TUBGCP4: variants seen among roughly 807,000 people sequenced by gnomAD.
The protein encoded by TUBGCP4 is tubulin gamma complex component 4.
TUBGCP4 carries 54 observed loss-of-function variants against 91.6 expected under a neutral mutation model. The ratio of observed to expected loss-of-function variants is 0.59; its 90% CI spans 0.47 to 0.74. The LOEUF (loss-of-function observed/expected upper bound fraction) is 0.74, where lower values mean the gene tolerates loss of function less well. Among genes scored for constraint, TUBGCP4 ranks in the 30% least tolerant of loss-of-function variants. The pLI is 0.00. For synonymous variants in TUBGCP4, 297 were observed against 302.8 expected (o/e 0.98, Z 0.20); for missense variants, 593 against 800.9 (o/e 0.74, Z 3.13).
Position 43,385,814 on chromosome 15 carries a change from G to A in TUBGCP4, c.747G>A (p.Met249Ile). The change falls in exon 8 of 18, where the codon ATG (methionine) becomes ATA (isoleucine). Residue 249 changes from methionine to isoleucine, a missense_variant. Transcript: ENST00000564079. ...AGCGCCTGATTGAGGAAGAGAACAT[G>A]CTGGCACCATCTCTGAAGCAGTTTT... ...QDLRLIEEEN[M>I]LAPSLKQFSL... is the part of the protein sequence containing the mutation. 1.9e-6 allele frequency: 3 copies of A among 1,614,140 alleles called. No homozygotes were observed. Among genetic ancestry groups the A allele is most frequent in the Non-Finnish European group, 2.5e-6 (3 of 1,180,018 alleles).
At chr15:43,400,872 C>T (rs1434919812) in intron 14 of TUBGCP4, among the ~76,000 whole-genome samples, 2 of 151,338 alleles carry the variant, frequency 1.3e-5, no homozygotes, top group Non-Finnish European at 2.9e-5. Context: ...GAGCCAAGAT[C>T]ATGCCATTGC....
intron 9 of TUBGCP4, among the ~76,000 whole-genome samples, chr15:43,392,591 C>T (rs1034721841): frequency 4.6e-5 from 7 of 151,964 alleles, no homozygotes; most frequent in African/African-American, 1.5e-4. Flanking sequence ...CTCTGCCTCC[C>T]GGGTTCAAGC....
At chr15:43,382,249 A>C (rs1433831087) in intron 6 of TUBGCP4, among the ~76,000 whole-genome samples, 1 of 144,810 alleles carries the variant, frequency 6.9e-6, no homozygotes, top group Non-Finnish European at 1.5e-5. Context: ...AAAATAAAAG[A>C]AAAAGGGATT....
chr15:43,408,685 T>G lies in TUBGCP4; in HGVS notation c.*3471T>G, dbSNP rs1001595343. 11 of 567,766 alleles carry G rather than the reference T, an allele frequency of 1.9e-5. No individual in the cohort carries two copies. The African/African-American group carries it at 2.1e-4, about 11-fold the overall frequency. The allele number at this position is 567,766 out of a possible 1,614,324, so 35.2% of individuals were successfully genotyped here. On this transcript the variant is annotated 3_prime_UTR_variant, in exon 18 of 18. Coordinates refer to ENST00000564079, the MANE Select transcript of TUBGCP4 (RefSeq NM_014444.5). ...ACAGGTTGAGAATATTGAACCTATA[T>G]ACAAATCTTCACACATTTGCAAAAG...
In TUBGCP4 at chr15:43,386,187, G is replaced by T. The variant is rs769393150; in HGVS notation, c.890-19G>T. 1 of 1,598,680 alleles carries T rather than the reference G, an allele frequency of 6.3e-7. No homozygotes were observed. Among genetic ancestry groups the T allele is most frequent in the Non-Finnish European group, 8.5e-7 (1 of 1,173,444 alleles). On this transcript the variant is annotated intron_variant, in intron 8 of 17. Coordinates refer to ENST00000564079, the MANE Select transcript of TUBGCP4 (RefSeq NM_014444.5). ...GGGTATTCTCCGTCCTCCTTTGACGGTGTCTTCCTATTTTGCAGGATCCAT... is the reference window on the plus strand; with the variant it reads ...GGGTATTCTCCGTCCTCCTTTGACGTTGTCTTCCTATTTTGCAGGATCCAT...
chr15:43,385,139 T>C (rs1261243827), intron 7 of TUBGCP4, among the ~76,000 whole-genome samples: 1 of 152,046 alleles, frequency 6.6e-6, no homozygotes, highest in African/African-American at 2.4e-5. Context: ...TTGTGGGAAA[T>C]GTTCAGTGGG....
At position 43,405,248 on chromosome 15, in the gene TUBGCP4, C is replaced by T. The variant is rs761226515; in HGVS notation, c.*34C>T. 17 of 1,612,352 alleles carry T rather than the reference C, an allele frequency of 1.1e-5. No homozygotes were observed. Among genetic ancestry groups the T allele is most frequent in the East Asian group, 2.2e-5 (1 of 44,872 alleles). ...GGCTCATAAATTGAAATAACAGCCA[C>T]GTTCCCAAGGTTGTAACAGAAGATT... On this transcript the variant is annotated 3_prime_UTR_variant, in exon 18 of 18. Transcript: ENST00000564079.
rs766103124 is a variant in TUBGCP4, at chr15:43,397,241, C to T, written c.1199C>T (p.Ala400Val). ...GTGAATGTGGCCTTTCAACAGTCAGCACACAAGGTATTGCTAGATGATGAC... is the reference window on the plus strand; with the variant it reads ...GTGAATGTGGCCTTTCAACAGTCAGTACACAAGGTATTGCTAGATGATGAC... ...HDVNVAFQQS[A>V]HKVLLDDDNL... Residue 400 changes from alanine to valine, a missense_variant, in exon 12 of 18, where the codon GCA becomes GTA. Coordinates refer to ENST00000564079, the MANE Select transcript of TUBGCP4 (RefSeq NM_014444.5). The T allele has an allele frequency of 6.2e-7, 1 of 1,614,116 alleles. No individual in the cohort carries two copies. Among genetic ancestry groups the T allele is most frequent in the Non-Finnish European group, 8.5e-7 (1 of 1,179,974 alleles).
intron 2 of TUBGCP4, 77 bp downstream of exon 2, chr15:43,376,303 G>A: frequency 6.2e-7 from 1 of 1,605,358 alleles, no homozygotes; most frequent in Admixed American, 1.7e-5. Flanking sequence ...GAGGGCAGGA[G>A]CTATGTCAAG....
intron 17 of TUBGCP4, chr15:43,404,765 T>C (rs963586566): frequency 1.7e-6 from 1 of 582,738 alleles, no homozygotes; most frequent in African/African-American, 1.9e-5. Context: ...AACCTGACAG[T>C]GAGATAGGTG....
rs967387402 is a variant in TUBGCP4 at position 43,405,435 on chromosome 15, T to G, written c.*221T>G. On this transcript the variant is annotated 3_prime_UTR_variant, in exon 18 of 18. Transcript: ENST00000564079. The stretch of plus-strand genomic sequence containing the variant: ...CCCATCAAGGAGAACATGTGGCATC[T>G]CTGATCCTTTACATTGAGAACATTT... 3.4e-6 allele frequency: 2 copies of G among 596,366 alleles called. No individual in the cohort carries two copies. Among genetic ancestry groups the G allele is most frequent in the African/African-American group, 3.7e-5 (2 of 53,772 alleles). The allele number at this position is 596,366 out of a possible 1,614,324, so 36.9% of individuals were successfully genotyped here.
At chr15:43,379,181 G>A (rs1220129982) in intron 5 of TUBGCP4, among the ~76,000 whole-genome samples, 2 of 152,208 alleles carry the variant, frequency 1.3e-5, no homozygotes, top group Non-Finnish European at 2.9e-5. Flanking sequence ...GTTGAGAATG[G>A]AGATTGATTG....
In TUBGCP4 at chr15:43,406,426, G is replaced by A. The variant is rs1375104738; in HGVS notation, c.*1212G>A. ...TTCTACTGCTGTCTCTGGAGCAGGA[G>A]CTGGCAAACTATGGCCTGCTGTCTG... is the stretch of plus-strand genomic sequence containing the variant. On this transcript the variant is annotated 3_prime_UTR_variant, in exon 18 of 18. Transcript: ENST00000564079. The A allele has an allele frequency of 8.6e-6, 3 of 347,854 alleles. No individual in the cohort carries two copies. Among genetic ancestry groups the A allele is most frequent in the East Asian group, 1.5e-4 (2 of 13,270 alleles). 21.5% of individuals were successfully genotyped at this position (347,854 alleles called of 1,614,324 possible).
chr15:43,400,530 T>A (rs2044657472), intron 14 of TUBGCP4, among the ~76,000 whole-genome samples: 1 of 152,164 alleles, frequency 6.6e-6, no homozygotes, highest in African/African-American at 2.4e-5. Context: ...CTCAAGTAGC[T>A]ATGACTACAG....
rs1361008631 is a variant in TUBGCP4 at position 43,408,064 on chromosome 15, C to T, written c.*2850C>T. ...CTGATACCAAGAGTACCTTCAGATT[C>T]TGGAAAGGATTTTCACGGGGTTGCC... is the stretch of plus-strand genomic sequence containing the variant. On this transcript the variant is annotated 3_prime_UTR_variant, in exon 18 of 18. Coordinates refer to ENST00000564079, the MANE Select transcript of TUBGCP4 (RefSeq NM_014444.5). 6.2e-7 allele frequency: 1 copy of T among 1,613,954 alleles called. No individual in the cohort carries two copies. The highest frequency in any genetic ancestry group is 1.3e-5 in the African/African-American group (1 of 74,930).
intron 9 of TUBGCP4, among the ~76,000 whole-genome samples, chr15:43,387,635 T>C (rs1188470318): frequency 2.0e-5 from 3 of 151,934 alleles, no homozygotes; most frequent in Non-Finnish European, 4.4e-5. Flanking sequence ...CTAATTTTTG[T>C]ATTTTTAGTA....
At chr15:43,377,622 A>G (rs1277416629) in intron 4 of TUBGCP4, 9 of 470,272 alleles carry the variant, frequency 1.9e-5, no homozygotes, top group East Asian at 4.4e-5. Context: ...AAAAAAAAAA[A>G]AAAAAAGAAA....
Position 43,395,150 on chromosome 15 carries a change from A to G in TUBGCP4, c.1058A>G (p.Gln353Arg). ...GTAGAAGAATCCGATTTACTGGGTC[A>G]GCTGAAGGTAATGGCTTAGCTGTTG... Reference protein sequence around the residue: ...LMVEESDLLGQLKIIKDFYLL... With the variant: ...LMVEESDLLGRLKIIKDFYLL... The change falls in exon 10 of 18, where the codon CAG becomes CGG. Residue 353 changes from glutamine (Q) to arginine (R), a missense_variant. Physicochemically the swap from Gln to Arg is conservative, Grantham distance 43 (BLOSUM62 1). Transcript: ENST00000564079. 1 of 1,614,182 alleles carries G rather than the reference A, an allele frequency of 6.2e-7. No individual in the cohort carries two copies. The highest frequency in any genetic ancestry group is 1.1e-5 in the South Asian group (1 of 91,068).
chr15:43,399,130 AC>A (rs1460714682), intron 13 of TUBGCP4: 1 of 1,277,032 alleles, frequency 7.8e-7, no homozygotes, highest in Non-Finnish European at 1.0e-6. Context: ...AATTTTAAAA[AC>A]CAAACAGAAT....
Sources: allele counts gnomAD v4.1 joint callset (sites outside exome capture counted in the v4.1 genomes callset), GRCh38; gene constraint gnomAD v4.1.1; transcripts MANE v1.5; gene names NCBI Gene and HGNC (gene_info 2026-07-23, HGNC 2026-07-21).